TTLL6: variants seen among roughly 807,000 people sequenced by gnomAD.
The protein encoded by TTLL6 is tubulin tyrosine ligase like 6.
In TTLL6, 75 loss-of-function variants were observed where a neutral mutation model predicts 96.4. The ratio of observed to expected loss-of-function variants is 0.78; its 90% CI spans 0.65 to 0.94. The LOEUF (loss-of-function observed/expected upper bound fraction) is 0.94. Among genes scored for constraint, TTLL6 ranks in the 40% least tolerant of loss-of-function variants. The pLI is 0.00. For missense variants in TTLL6, 1,030 were observed against 1,093.0 expected (o/e 0.94, Z 0.81); for synonymous variants, 411 against 419.4 (o/e 0.98, Z 0.24).
intron 13 of TTLL6, among the ~76,000 whole-genome samples, chr17:48,772,350 TAAAG>T (rs879767370): frequency 2.6e-5 from 4 of 151,790 alleles, no homozygotes; most frequent in Non-Finnish European, 5.9e-5. Flanking sequence ...TAAATAAAAA[TAAAG>T]AAATAAAATA....
chr17:48,806,555 T>C (rs2039507894), intron 1 of TTLL6, among the ~76,000 whole-genome samples: 1 of 152,036 alleles, frequency 6.6e-6, no homozygotes, highest in African/African-American at 2.4e-5. Flanking sequence ...TTATTACCTG[T>C]TCCTCCCTCA....
chr17:48,812,767 A>G (rs1384553835), intron 1 of TTLL6, among the ~76,000 whole-genome samples: 1 of 152,230 alleles, frequency 6.6e-6, no homozygotes, highest in African/African-American at 2.4e-5. Context: ...AATGGGCTGG[A>G]AGAATGAATA....
intron 3 of TTLL6, 53 bp from the exon 4 acceptor site, chr17:48,801,696 G>C: frequency 6.9e-7 from 1 of 1,448,872 alleles, no homozygotes; most frequent in South Asian, 1.2e-5. Context: ...GGAGTATGGG[G>C]TGGGGAGATT....
intron 13 of TTLL6, among the ~76,000 whole-genome samples, chr17:48,775,620 C>T (rs773483398): frequency 6.6e-6 from 1 of 151,788 alleles, no homozygotes; most frequent in Non-Finnish European, 1.5e-5. Flanking sequence ...TGGCTCACCA[C>T]AATCTCTGCC....
chr17:48,809,514 GA>G (rs889259596), intron 1 of TTLL6, among the ~76,000 whole-genome samples: 15 of 152,082 alleles, frequency 9.9e-5, no homozygotes, highest in African/African-American at 3.6e-4. Context: ...GCTCATTTTT[GA>G]GTCCTTGCCT....
At position 48,801,066 on chromosome 17, in the gene TTLL6, A is replaced by G. The variant is rs536394249; in HGVS notation, c.611+189T>C. 6.6e-5 allele frequency among the ~76,000 whole-genome samples: 10 copies of G among 152,292 alleles called. No homozygotes were observed. The South Asian group carries it at 1.9e-3, about 28-fold the overall frequency. On this transcript the variant is annotated intron_variant, in intron 5 of 15. Coordinates refer to ENST00000393382, the MANE Select transcript of TTLL6 (RefSeq NM_001130918.3). ...GGCACCCAGCCCCTAAATGTCATCT[A>G]ATTTTACAGGCAGAGCCTTGTGTTT...
chr17:48,802,198 G>C (rs976413377), intron 3 of TTLL6, among the ~76,000 whole-genome samples: 1 of 152,166 alleles, frequency 6.6e-6, no homozygotes, highest in African/African-American at 2.4e-5. Context: ...AATCCAGCCT[G>C]TGCTCAATGA....
chr17:48,766,710 A>T (rs1036005515), intron 15 of TTLL6, among the ~76,000 whole-genome samples: 51 of 152,318 alleles, frequency 3.3e-4, no homozygotes, highest in Admixed American at 2.9e-3. Flanking sequence ...CTAGAAATAC[A>T]AAAATTGTCC....
intron 15 of TTLL6, among the ~76,000 whole-genome samples, chr17:48,766,661 C>G (rs1248363130): frequency 6.6e-6 from 1 of 152,084 alleles, no homozygotes; most frequent in Non-Finnish European, 1.5e-5. Flanking sequence ...GCCAGGATTT[C>G]GAGAACAACT....
intron 8 of TTLL6, among the ~76,000 whole-genome samples, chr17:48,794,695 T>C (rs1177908399): frequency 6.6e-6 from 1 of 152,198 alleles, no homozygotes; most frequent in Non-Finnish European, 1.5e-5. Flanking sequence ...ACATCCCCTT[T>C]AAGCAGCCTT....
intron 1 of TTLL6, among the ~76,000 whole-genome samples, chr17:48,814,108 C>A (rs954264704): frequency 6.6e-6 from 1 of 152,196 alleles, no homozygotes; most frequent in East Asian, 1.9e-4. Context: ...TACTTGAGGT[C>A]AGGAGTTGGA....
chr17:48,810,115 GACA>G (rs1188736012), intron 1 of TTLL6, among the ~76,000 whole-genome samples: 11 of 130,608 alleles, frequency 8.4e-5, no homozygotes, highest in Non-Finnish European at 1.4e-4. Flanking sequence ...CTCCAGCCTG[GACA>G]ACAAGAGCGA....
intron 8 of TTLL6, chr17:48,794,107 G>A (rs1332531480): frequency 6.4e-7 from 1 of 1,566,446 alleles, no homozygotes. Context: ...GGAGAGAGTG[G>A]ATGGAGAAGT....
intron 1 of TTLL6, among the ~76,000 whole-genome samples, chr17:48,807,568 G>A (rs2039522308): frequency 6.6e-6 from 1 of 151,988 alleles, no homozygotes; most frequent in South Asian, 2.1e-4. Context: ...CTGAAGTGTA[G>A]TGGTGCAATC....
At chr17:48,779,575 T>G (rs1473805518) in intron 13 of TTLL6, among the ~76,000 whole-genome samples, 1 of 152,100 alleles carries the variant, frequency 6.6e-6, no homozygotes, top group Non-Finnish European at 1.5e-5. Flanking sequence ...ATGAAAACAT[T>G]TGTCCACAAA....
chr17:48,797,219 C>A lies in TTLL6; in HGVS notation c.769-15G>T, dbSNP rs548184109. 1.3e-6 allele frequency: 2 copies of A among 1,542,128 alleles called. No individual in the cohort carries two copies. The highest frequency in any genetic ancestry group is 2.7e-5 in the African/African-American group (2 of 72,820). ...ATGATAAAGGGCTGGAAGGAGAGAACAGAAGTCAGACATGCATTAGAGGAG... is the reference window on the plus strand; with the variant it reads ...ATGATAAAGGGCTGGAAGGAGAGAAAAGAAGTCAGACATGCATTAGAGGAG... On this transcript the variant is annotated splice_polypyrimidine_tract_variant and intron_variant, in intron 6 of 15. Transcript: ENST00000393382.
chr17:48,767,834 C>T (rs764083937), intron 15 of TTLL6, among the ~76,000 whole-genome samples: 1 of 152,122 alleles, frequency 6.6e-6, no homozygotes, highest in African/African-American at 2.4e-5. Flanking sequence ...CCTTTGGTTC[C>T]ACATCTCAGT....
intron 13 of TTLL6, among the ~76,000 whole-genome samples, chr17:48,770,389 T>A (rs1597959352): frequency 6.6e-6 from 1 of 152,046 alleles, no homozygotes; most frequent in African/African-American, 2.4e-5. Flanking sequence ...ATGAATTGGT[T>A]AAACAGTAAG....
At chr17:48,816,714 G>A (rs934024749) in intron 1 of TTLL6, among the ~76,000 whole-genome samples, 5 of 152,202 alleles carry the variant, frequency 3.3e-5, no homozygotes, top group African/African-American at 1.2e-4. Context: ...CTCCTTGGTG[G>A]ACTGTGGTTT....
Sources: gnomAD v4.1 joint callset for allele counts (sites outside exome capture counted in the v4.1 genomes callset) on GRCh38, gnomAD v4.1.1 for gene constraint, MANE v1.5 for transcripts, NCBI Gene and HGNC (gene_info 2026-07-23, HGNC 2026-07-21) for gene names.